Variants in RNLS observed in about 807,000 individuals in gnomAD.
RNLS encodes renalase.
RNLS carries 39 observed loss-of-function variants against 39.8 expected under a neutral mutation model. The ratio of observed to expected loss-of-function variants is 0.98; its 90% CI spans 0.76 to 1.28. The LOEUF (loss-of-function observed/expected upper bound fraction) is 1.28, where lower values mean the gene tolerates loss of function less well. Ranked by LOEUF, RNLS falls within the 50% of genes most tolerant of loss-of-function variation. RNLS has a pLI of 0.00. For synonymous variants in RNLS, 147 were observed against 150.7 expected (o/e 0.98, Z 0.18); for missense variants, 410 against 413.3 (o/e 0.99, Z 0.07).
At chr10:88,314,439 G>A (rs1409123000) in intron 6 of RNLS, 27 bp downstream of exon 6, 1 of 1,610,166 alleles carries the variant, frequency 6.2e-7, no homozygotes, top group Non-Finnish European at 8.5e-7. Context: ...AAATTGTTGT[G>A]CTTAGACCAC....
At chr10:88,246,664 C>T in the RNLS span, among the ~76,000 whole-genome samples, 1 of 151,944 alleles carries the variant, frequency 6.6e-6, no homozygotes, top group Non-Finnish European at 1.5e-5. Flanking sequence ...CCCACTCTCT[C>T]TCACGGCTAG....
intron 4 of RNLS, among the ~76,000 whole-genome samples, chr10:88,471,316 G>A (rs1178776189): frequency 6.6e-6 from 1 of 152,066 alleles, no homozygotes; most frequent in African/African-American, 2.4e-5. Flanking sequence ...GCAGCCTTGG[G>A]TGTGGATTTC....
At chr10:88,338,437 T>C (rs1847666751) in intron 5 of RNLS, among the ~76,000 whole-genome samples, 5 of 152,240 alleles carry the variant, frequency 3.3e-5, no homozygotes, top group Admixed American at 2.6e-4. Context: ...AGCACATGTA[T>C]GCAATTCACA....
At chr10:88,470,237 C>G (rs935670985) in intron 4 of RNLS, among the ~76,000 whole-genome samples, 11 of 151,638 alleles carry the variant, frequency 7.3e-5, no homozygotes, top group Admixed American at 5.9e-4. Flanking sequence ...AATAGTGTGT[C>G]AAGGGGGTTT....
chr10:88,349,958 A>C (rs1848565608), intron 5 of RNLS, among the ~76,000 whole-genome samples: 1 of 152,122 alleles, frequency 6.6e-6, no homozygotes, highest in South Asian at 2.1e-4. Context: ...CTATTATATA[A>C]ATGACAAAAT....
rs139478010 is a variant in RNLS at position 88,443,060 on chromosome 10, C to T, written c.527-80335G>A. On this transcript the variant is annotated intron_variant, in intron 4 of 6. Transcript: ENST00000331772. ...TTTCCCTCTCAACTTCCACATCCAA[C>T]GCCTGAAGATTTAATCTGTTAAACA... Among the ~76,000 whole-genome samples the T allele has an allele frequency of 9.7e-3, 1,478 of 152,290 alleles. 13 individuals carry two copies. The highest frequency in any genetic ancestry group is 0.014 in the Non-Finnish European group (936 of 68,028).
At chr10:88,337,599 C>T (rs1489201815) in intron 5 of RNLS, among the ~76,000 whole-genome samples, 1 of 152,162 alleles carries the variant, frequency 6.6e-6, no homozygotes, top group East Asian at 1.9e-4. Context: ...CATTGAAATC[C>T]TTGGTACTAC....
At chr10:88,240,984 TTATA>T in the RNLS span, among the ~76,000 whole-genome samples, 1 of 151,114 alleles carries the variant, frequency 6.6e-6, no homozygotes, top group Non-Finnish European at 1.5e-5. Context: ...CTATAATAAA[TTATA>T]TAATTGATTT....
At chr10:88,530,713 T>A (rs1847372989) in intron 4 of RNLS, among the ~76,000 whole-genome samples, 1 of 152,194 alleles carries the variant, frequency 6.6e-6, no homozygotes, top group East Asian at 1.9e-4. Context: ...AACATAACTT[T>A]TGATAATTCT....
the RNLS span, among the ~76,000 whole-genome samples, chr10:88,208,916 C>T: frequency 6.6e-6 from 1 of 152,060 alleles, no homozygotes; most frequent in East Asian, 1.9e-4. Context: ...TGCATGAATA[C>T]ATCCTCCCTC....
At chr10:88,520,109 C>T (rs1673714429) in intron 4 of RNLS, among the ~76,000 whole-genome samples, 1 of 151,960 alleles carries the variant, frequency 6.6e-6, no homozygotes, top group Non-Finnish European at 1.5e-5. Context: ...TTCCCTGATT[C>T]AGGGATGTAA....
chr10:88,398,803 T>G (rs560636270), intron 4 of RNLS, among the ~76,000 whole-genome samples: 4 of 152,064 alleles, frequency 2.6e-5, no homozygotes, highest in African/African-American at 7.2e-5. Context: ...TCATCAAAAT[T>G]AAAAACTTTG....
intron 4 of RNLS, among the ~76,000 whole-genome samples, chr10:88,516,659 C>T (rs1369194311): frequency 6.6e-6 from 1 of 151,916 alleles, no homozygotes; most frequent in Non-Finnish European, 1.5e-5. Flanking sequence ...TTCCTCTTTA[C>T]TACAGGGATA....
chr10:88,376,900 C>CT (rs1314775850), intron 4 of RNLS, among the ~76,000 whole-genome samples: 3 of 152,088 alleles, frequency 2.0e-5, no homozygotes, highest in Non-Finnish European at 4.4e-5. Context: ...AAAAGGAAGT[C>CT]TGTTTCAATA....
chr10:88,511,721 G>T (rs886226222), intron 4 of RNLS, among the ~76,000 whole-genome samples: 5 of 131,168 alleles, frequency 3.8e-5, no homozygotes, highest in Non-Finnish European at 8.5e-5. Context: ...TTTAAAGAAG[G>T]CAGGAGTGAT....
chr10:88,475,168 G>A (rs1479862173), intron 4 of RNLS, among the ~76,000 whole-genome samples: 1 of 152,152 alleles, frequency 6.6e-6, no homozygotes, highest in African/African-American at 2.4e-5. Context: ...GCTTTTCCAA[G>A]TATGAAGCTG....
At chr10:88,375,456 A>C (rs879454053) in intron 4 of RNLS, among the ~76,000 whole-genome samples, 8 of 152,168 alleles carry the variant, frequency 5.3e-5, no homozygotes, top group Admixed American at 3.9e-4. Context: ...TTTTGATTGT[A>C]TTGCTCTTTC....
chr10:88,558,103 A>T (rs1475966193), intron 4 of RNLS, among the ~76,000 whole-genome samples: 2 of 152,142 alleles, frequency 1.3e-5, no homozygotes, highest in African/African-American at 4.8e-5. Flanking sequence ...ATGAGAACAA[A>T]ACTATGAAAA....
chr10:88,523,737 G>C (rs1252434793), intron 4 of RNLS, among the ~76,000 whole-genome samples: 1 of 152,124 alleles, frequency 6.6e-6, no homozygotes, highest in Non-Finnish European at 1.5e-5. Flanking sequence ...ATACTGTATA[G>C]AAATGCAGAA....
Sources: gnomAD v4.1 joint callset for allele counts (sites outside exome capture counted in the v4.1 genomes callset) on GRCh38, gnomAD v4.1.1 for gene constraint, MANE v1.5 for transcripts, NCBI Gene and HGNC (gene_info 2026-07-23, HGNC 2026-07-21) for gene names.